The following SVIL variants were observed in gnomAD, a reference collection of about 807,000 sequenced individuals.
SVIL encodes archvillin.
Under a neutral mutation model 240.4 loss-of-function variants are expected in SVIL, and 101 were observed. That is an observed-to-expected ratio of 0.42 (90% CI 0.36 to 0.50). The LOEUF is 0.50. SVIL is among the 20% of genes least tolerant of loss of function. The pLI is 0.01. For synonymous variants in SVIL, 999 were observed against 1,100.0 expected (o/e 0.91, Z 1.82); for missense variants, 2,512 against 2,818.7 (o/e 0.89, Z 2.46).
rs1952540474 is a variant in SVIL, at chr10:29,545,152, G to A, written c.827+5445C>T. 3 of 525,114 alleles carry A rather than the reference G, an allele frequency of 5.7e-6. No homozygotes were observed. In the Admixed American group the frequency reaches 5.9e-5, roughly 10 times the overall value. 32.5% of individuals were successfully genotyped at this position (525,114 alleles called of 1,614,324 possible). ...ACAGACCACTGAGCCAAGAGAGCTT[G>A]AGGCTCTGGAGACGGTTTTTAGACT... is the stretch of plus-strand genomic sequence containing the variant. On this transcript the variant is annotated intron_variant, in intron 6 of 37. Transcript: ENST00000355867.
chr10:29,526,911 G>C, intron 13 of SVIL, 50 bp downstream of exon 13: 1 of 1,414,130 alleles, frequency 7.1e-7, no homozygotes, highest in Non-Finnish European at 9.4e-7. Flanking sequence ...TGCATCTGCT[G>C]TTCGGCACCT....
At chr10:29,612,881 T>C (rs1053771197) in intron 1 of SVIL, among the ~76,000 whole-genome samples, 16 of 152,056 alleles carry the variant, frequency 1.1e-4, no homozygotes, top group South Asian at 2.1e-4. Context: ...CAAGATGCTA[T>C]AGAAGGAGGG....
intron 1 of SVIL, among the ~76,000 whole-genome samples, chr10:29,614,644 T>C (rs1957366867): frequency 6.6e-6 from 1 of 152,082 alleles, no homozygotes; most frequent in Non-Finnish European, 1.5e-5. Context: ...GGAAACATCA[T>C]ACACCGGGGC....
At chr10:29,513,838 T>C (rs1237441945) in intron 16 of SVIL, among the ~76,000 whole-genome samples, 3 of 152,208 alleles carry the variant, frequency 2.0e-5, no homozygotes, top group Non-Finnish European at 4.4e-5. Context: ...TCAATGATGA[T>C]GTGACTTGAT....
chr10:29,521,263 GAA>G (rs1950546915), intron 16 of SVIL, among the ~76,000 whole-genome samples: 1 of 149,492 alleles, frequency 6.7e-6, no homozygotes, highest in African/African-American at 2.5e-5. Context: ...GGAAAAGAAA[GAA>G]AGAAGACTTT....
intron 17 of SVIL, among the ~76,000 whole-genome samples, chr10:29,509,098 ACACAAGCCATG>A (rs1201033560): frequency 2.0e-5 from 3 of 152,198 alleles, no homozygotes. Context: ...AGGAAAGTGT[ACACAAGCCATG>A]CTCAAGTGCA....
chr10:29,490,227 C>T (rs1383819747), intron 22 of SVIL, among the ~76,000 whole-genome samples: 2 of 151,892 alleles, frequency 1.3e-5, no homozygotes, highest in Non-Finnish European at 2.9e-5. Context: ...AAAGCACTGG[C>T]GTTTGTGTTA....
chr10:29,518,329 A>AGT (rs1305109528), intron 16 of SVIL, among the ~76,000 whole-genome samples: 1 of 152,136 alleles, frequency 6.6e-6, no homozygotes, highest in African/African-American at 2.4e-5. Flanking sequence ...GGGAGGCTTC[A>AGT]GTGAGCCAAG....
chr10:29,590,875 A>G (rs1316186443), intron 1 of SVIL, among the ~76,000 whole-genome samples: 1 of 152,236 alleles, frequency 6.6e-6, no homozygotes, highest in African/African-American at 2.4e-5. Context: ...TGGTGGCAGA[A>G]AAGAATCAAT....
chr10:29,610,581 T>G (rs1470320948), intron 1 of SVIL, among the ~76,000 whole-genome samples: 2 of 151,838 alleles, frequency 1.3e-5, no homozygotes, highest in Admixed American at 1.3e-4. Context: ...CCACTATGCC[T>G]GGCTAACTTT....
At chr10:29,584,198 A>T (rs900790516) in intron 1 of SVIL, among the ~76,000 whole-genome samples, 21 of 152,296 alleles carry the variant, frequency 1.4e-4, no homozygotes, top group African/African-American at 4.6e-4. Flanking sequence ...TGGGAGCTGG[A>T]ACTGGGAAGA....
At chr10:29,622,111 G>T (rs1008456413) in intron 1 of SVIL, among the ~76,000 whole-genome samples, 2 of 151,098 alleles carry the variant, frequency 1.3e-5, no homozygotes, top group African/African-American at 4.9e-5. Context: ...TTAGCCGGGC[G>T]TGGTGGCGGG....
Position 29,603,462 on chromosome 10 carries a change from G to C in SVIL, c.-201+30958C>G, listed in dbSNP as rs116452826. Among the ~76,000 whole-genome samples, 917 of 152,310 alleles carry C rather than the reference G, an allele frequency of 6.0e-3. 9 individuals are homozygous for C. The highest frequency in any genetic ancestry group is 0.021 in the African/African-American group (858 of 41,564). ...AAGCTTTTAAAGCAAAAATGGAAAA[G>C]CATTCAGTGAGCAGATGCTTGAAAT... On this transcript the variant is annotated intron_variant, in intron 1 of 37. Transcript: ENST00000355867.
At chr10:29,683,431 A>T (rs372830936) in intron 2 of SVIL, among the ~76,000 whole-genome samples, 4 of 152,180 alleles carry the variant, frequency 2.6e-5, no homozygotes, top group African/African-American at 9.7e-5. Context: ...GTTCATCTTA[A>T]TGCTGGTCAG....
chr10:29,482,881 G>A (rs1947043047), intron 27 of SVIL: 1 of 152,622 alleles, frequency 6.6e-6, no homozygotes, highest in Admixed American at 6.5e-5. Flanking sequence ...ACCCCTTAGA[G>A]CAACCCCCCT....
intron 16 of SVIL, among the ~76,000 whole-genome samples, chr10:29,522,108 A>G (rs752205157): frequency 1.3e-5 from 2 of 151,604 alleles, no homozygotes; most frequent in African/African-American, 4.8e-5. Flanking sequence ...TTAATATTAT[A>G]AAAGATATTG....
At chr10:29,554,628 C>T (rs752885198) in intron 5 of SVIL, among the ~76,000 whole-genome samples, 155 bp downstream of exon 5, 45 of 152,308 alleles carry the variant, frequency 3.0e-4, no homozygotes, top group Middle Eastern at 3.4e-3. Context: ...GCATTCCAGC[C>T]TGTGTGACAG....
chr10:29,477,327 A>G (rs1209251886), intron 29 of SVIL, among the ~76,000 whole-genome samples: 1 of 152,248 alleles, frequency 6.6e-6, no homozygotes, highest in African/African-American at 2.4e-5. Context: ...CACCAGAGCC[A>G]CCTATTTATA....
At chr10:29,690,849 G>C (rs1372656461) in intron 1 of SVIL, among the ~76,000 whole-genome samples, 1 of 152,210 alleles carries the variant, frequency 6.6e-6, no homozygotes, top group East Asian at 1.9e-4. Flanking sequence ...CAATTATCTG[G>C]GGTTCTGTAT....
Sources: gnomAD v4.1 joint callset for allele counts (sites outside exome capture counted in the v4.1 genomes callset) on GRCh38, gnomAD v4.1.1 for gene constraint, MANE v1.5 for transcripts, NCBI Gene and HGNC (gene_info 2026-07-23, HGNC 2026-07-21) for gene names.